The following C12orf43 variants were observed in gnomAD, a reference collection of about 807,000 sequenced individuals.
C12orf43 encodes the protein protein CUSTOS.
In C12orf43, 15 loss-of-function variants were observed where a neutral mutation model predicts 20.6. The ratio of observed to expected loss-of-function variants is 0.73; its 90% CI spans 0.49 to 1.12. The LOEUF (loss-of-function observed/expected upper bound fraction) is 1.12, where lower values mean the gene tolerates loss of function less well. Ranked by LOEUF, C12orf43 falls within the 50% of genes most tolerant of loss-of-function variation. The pLI, the probability that C12orf43 is intolerant of heterozygous loss-of-function variation, is 0.00. For synonymous variants in C12orf43, 144 were observed against 130.8 expected (o/e 1.10, Z -0.69); for missense variants, 334 against 344.4 (o/e 0.97, Z 0.24).
At chr12:121,010,150 A>C (rs977232762) in intron 3 of C12orf43, among the ~76,000 whole-genome samples, 3 of 152,174 alleles carry the variant, frequency 2.0e-5, no homozygotes, top group Non-Finnish European at 4.4e-5. Context: ...AAAAATACAA[A>C]AATTAGCCTG....
intron 1 of C12orf43, among the ~76,000 whole-genome samples, chr12:121,015,526 T>C (rs1235206542): frequency 6.6e-6 from 1 of 152,264 alleles, no homozygotes; most frequent in African/African-American, 2.4e-5. Flanking sequence ...TTAATTATCA[T>C]GATAGTAAAC....
intron 3 of C12orf43, among the ~76,000 whole-genome samples, chr12:121,008,473 T>C (rs1878194326): frequency 6.6e-6 from 1 of 152,176 alleles, no homozygotes; most frequent in Admixed American, 6.5e-5. Flanking sequence ...AACATGAAAA[T>C]GCTGCAGGGA....
In C12orf43 at chr12:121,003,840, C is replaced by A. The variant is rs981732167; in HGVS notation, c.*313G>T. 3 of 416,698 alleles carry A rather than the reference C, an allele frequency of 7.2e-6. No individual in the cohort carries two copies. The highest frequency in any genetic ancestry group is 1.3e-5 in the Non-Finnish European group (3 of 226,140). The allele number at this position is 416,698 out of a possible 1,614,324, so 25.8% of individuals were successfully genotyped here. On this transcript the variant is annotated 3_prime_UTR_variant, in exon 6 of 6. Transcript: ENST00000288757. The stretch of plus-strand genomic sequence containing the variant: ...GGAGATGGAGGTTTCACCACTTGGC[C>A]ACTAGTCTCAAATAACTGGAAGGTT...
In C12orf43 at chr12:121,004,945, C is replaced by T; in HGVS notation, c.452+58G>A. 7.7e-7 allele frequency: 1 copy of T among 1,300,284 alleles called. No individual in the cohort carries two copies. Among genetic ancestry groups the T allele is most frequent in the Non-Finnish European group, 1.0e-6 (1 of 973,716 alleles). 80.5% of individuals were successfully genotyped at this position (1,300,284 alleles called of 1,614,324 possible). A position where few individuals can be genotyped will look rare whatever the true frequency, so the allele number is the denominator to read the frequency against. On this transcript the variant is annotated intron_variant, in intron 5 of 5. Transcript: ENST00000288757. The surrounding 1 kb of genome is among the most constrained non-coding windows in gnomAD (Gnocchi z 5.6). ...GTCTGCTTGGCTATTCCAGGGAACC[C>T]ACCAAGACAGAAGAGGAGAAAAAAG... is the stretch of plus-strand genomic sequence containing the variant.
At chr12:121,011,176 T>C (rs1368337076) in intron 1 of C12orf43, 30 bp from the exon 2 acceptor site, 6 of 1,607,090 alleles carry the variant, frequency 3.7e-6, no homozygotes, top group Non-Finnish European at 8.5e-7. Context: ...AGGGCATTTA[T>C]AGAGGAAACA....
intron 3 of C12orf43, among the ~76,000 whole-genome samples, chr12:121,008,108 C>T (rs1220624693): frequency 2.0e-5 from 3 of 151,894 alleles, no homozygotes; most frequent in African/African-American, 7.3e-5. Context: ...TGACCTAACA[C>T]TAGGGACCAA....
chr12:121,002,408 G>A lies in C12orf43; in HGVS notation c.*1745C>T. ...GTACCGCGTCTACCCTGGGATTCAG[G>A]AAAAGGCCTGGGGTGACCCGGCACC... is the stretch of plus-strand genomic sequence containing the variant. On this transcript the variant is annotated 3_prime_UTR_variant, in exon 6 of 6. Transcript: ENST00000288757. 1.9e-6 allele frequency: 1 copy of A among 529,466 alleles called. No homozygotes were observed. Among genetic ancestry groups the A allele is most frequent in the Non-Finnish European group, 3.7e-6 (1 of 273,932 alleles). 32.8% of individuals were successfully genotyped at this position (529,466 alleles called of 1,614,324 possible). A position where few individuals can be genotyped will look rare whatever the true frequency, so the allele number is the denominator to read the frequency against.
rs1391529757 is a variant in C12orf43, at chr12:121,005,283, CA to C, written c.362-191del. ...AAAAAATTTAAAAAAGAAACAATAACAAAAAAACCCAACCAAGCAAACAAAC... is the reference window on the plus strand; with the variant it reads ...AAAAAATTTAAAAAAGAAACAATAACAAAAAACCCAACCAAGCAAACAAAC... On this transcript the variant is annotated intron_variant, in intron 4 of 5. Transcript: ENST00000288757. The surrounding 1 kb of genome is among the most constrained non-coding windows in gnomAD (Gnocchi z 5.6). 6.0e-5 allele frequency among the ~76,000 whole-genome samples: 9 copies of C among 151,142 alleles called. No individual in the cohort carries two copies. In the South Asian group the frequency reaches 1.7e-3, roughly 28 times the overall value.
Position 121,001,232 on chromosome 12 carries a change from G to A in C12orf43, c.*2921C>T, listed in dbSNP as rs78184916. On this transcript the variant is annotated 3_prime_UTR_variant, in exon 6 of 6. Transcript: ENST00000288757. ...CCCTGGGGCCTGTACTGCCTGCTTG[G>A]GGGGTGATGAGGGCAGCAGCCAGCC... 5.7e-5 allele frequency: 92 copies of A among 1,611,252 alleles called. No homozygotes were observed. The highest frequency in any genetic ancestry group is 3.3e-4 in the Admixed American group (20 of 59,806).
At chr12:121,012,752 T>G in intron 1 of C12orf43, 1 of 273,980 alleles carries the variant, frequency 3.6e-6, no homozygotes, top group Non-Finnish European at 7.1e-6. Flanking sequence ...CTTGAGAAGC[T>G]GAGGCAGGAG....
chr12:121,005,208 A>C lies in C12orf43; in HGVS notation c.362-115T>G, dbSNP rs1260984902. 7 of 571,166 alleles carry C rather than the reference A, an allele frequency of 1.2e-5. No individual in the cohort carries two copies. The highest frequency in any genetic ancestry group is 1.6e-5 in the Non-Finnish European group (6 of 377,016). 35.4% of individuals were successfully genotyped at this position (571,166 alleles called of 1,614,324 possible). A position where few individuals can be genotyped will look rare whatever the true frequency, so the allele number is the denominator to read the frequency against. ...AAATTTTAAAAAGGAAAACGAAAGAAAGAAAAGATAAAGAGAAACAAAAAA... is the reference window on the plus strand; with the variant it reads ...AAATTTTAAAAAGGAAAACGAAAGACAGAAAAGATAAAGAGAAACAAAAAA... On this transcript the variant is annotated intron_variant, in intron 4 of 5. Transcript: ENST00000288757. The surrounding 1 kb of genome is among the most constrained non-coding windows in gnomAD (Gnocchi z 5.6).
Position 121,016,363 on chromosome 12 carries a change from G to T in C12orf43, c.112C>A (p.Gln38Lys). The change falls in exon 1 of 6, where the codon CAA becomes AAA. Residue 38 changes from glutamine to lysine, a missense_variant. By Grantham distance (53) the Gln-to-Lys change is moderately conservative. Coordinates refer to ENST00000288757, the MANE Select transcript of C12orf43 (RefSeq NM_022895.3). ...GGCTTCCCTGCCACGTGCGGGCGTT[G>T]CTCCAAGCCCCAAGCCGGCATTGCC... ...EAAMPAWGLE[Q>K]RPHVAGKPRA... The T allele has an allele frequency of 1.9e-6, 3 of 1,613,734 alleles. No homozygotes were observed. Among genetic ancestry groups the T allele is most frequent in the Non-Finnish European group, 2.5e-6 (3 of 1,180,050 alleles).
chr12:121,006,334 A>T lies in C12orf43; in HGVS notation c.348T>A (p.Ala116=), dbSNP rs185704649. ...EPAKAKVQKV[A]LEDDGFRLFF... is the part of the protein sequence containing the mutation. ...ATAACCACTCACCATCATCCTCCAA[A>T]GCGACTTTCTGTACCTTAGCTTTTG... Residue 116 remains alanine, a synonymous_variant, in exon 4 of 6, where the codon GCT becomes GCA. Coordinates refer to ENST00000288757, the MANE Select transcript of C12orf43 (RefSeq NM_022895.3). 6.2e-7 allele frequency: 1 copy of T among 1,613,978 alleles called. No homozygotes were observed. Among genetic ancestry groups the T allele is most frequent in the African/African-American group, 1.3e-5 (1 of 75,046 alleles).
Position 121,004,734 on chromosome 12 carries a change from C to G in C12orf43, c.453-245G>C, listed in dbSNP as rs1877846484. ...ATCATCTCTAAAACGGGGATCTTAA[C>G]AGAGTCCAGGCCTCCCAGGGATGTC... is the stretch of plus-strand genomic sequence containing the variant. On this transcript the variant is annotated intron_variant, in intron 5 of 5. Coordinates refer to ENST00000288757, the MANE Select transcript of C12orf43 (RefSeq NM_022895.3). The surrounding 1 kb of genome is among the most constrained non-coding windows in gnomAD (Gnocchi z 5.6). 6.6e-6 allele frequency among the ~76,000 whole-genome samples: 1 copy of G among 152,160 alleles called. No homozygotes were observed. Among genetic ancestry groups the G allele is most frequent in the African/African-American group, 2.4e-5 (1 of 41,440 alleles).
chr12:121,001,070 T>C lies in C12orf43; in HGVS notation c.*3083A>G, dbSNP rs1352126690. The C allele has an allele frequency of 6.2e-6, 10 of 1,613,246 alleles. No homozygotes were observed. The highest frequency in any genetic ancestry group is 7.6e-6 in the Non-Finnish European group (9 of 1,179,836). ...AGCCTTGTTTGCCTCTGCAGTGTCC[T>C]CCAGCAGCCTGGTGCTGTACCAGAG... is the stretch of plus-strand genomic sequence containing the variant. On this transcript the variant is annotated 3_prime_UTR_variant, in exon 6 of 6. Coordinates refer to ENST00000288757, the MANE Select transcript of C12orf43 (RefSeq NM_022895.3).
At position 121,016,324 on chromosome 12, in the gene C12orf43, C is replaced by A; in HGVS notation, c.145+6G>T. On this transcript the variant is annotated splice_donor_region_variant and intron_variant, in intron 1 of 5. Coordinates refer to ENST00000288757, the MANE Select transcript of C12orf43 (RefSeq NM_022895.3). ...TCAGCCAGTCTCCCCAAACATAGTA[C>A]CCTACCGGCTCTTGGCTTCCCTGCC... 1 of 1,613,584 alleles carries A rather than the reference C, an allele frequency of 6.2e-7. No individual in the cohort carries two copies. Among genetic ancestry groups the A allele is most frequent in the Middle Eastern group, 1.7e-4 (1 of 6,060 alleles).
At chr12:121,014,355 G>A (rs538565675) in intron 1 of C12orf43, among the ~76,000 whole-genome samples, 27 of 151,812 alleles carry the variant, frequency 1.8e-4, no homozygotes, top group Non-Finnish European at 3.7e-4. Flanking sequence ...GAGACCAGGC[G>A]CGGTGGCTCA....
rs1335086732 is a variant in C12orf43, at chr12:121,002,443, T to G, written c.*1710A>C. 1.9e-6 allele frequency: 1 copy of G among 530,994 alleles called. No individual in the cohort carries two copies. The highest frequency in any genetic ancestry group is 2.2e-5 in the Admixed American group (1 of 44,822). The allele number at this position is 530,994 out of a possible 1,614,324, so 32.9% of individuals were successfully genotyped here. ...GGGGTGACCCGGCACCCCCTGCAGC[T>G]TGTAGCCAGCCGGGGCGAGTGGCAC... On this transcript the variant is annotated 3_prime_UTR_variant, in exon 6 of 6. Transcript: ENST00000288757.
At position 121,005,223 on chromosome 12, in the gene C12orf43, GAAAC is replaced by G. The variant is rs1003531622; in HGVS notation, c.362-134_362-131del. 3.4e-5 allele frequency: 16 copies of G among 467,288 alleles called. No individual in the cohort carries two copies. Among genetic ancestry groups the G allele is most frequent in the African/African-American group, 8.3e-5 (4 of 48,370 alleles). 28.9% of individuals were successfully genotyped at this position (467,288 alleles called of 1,614,324 possible). ...AAACGAAAGAAAGAAAAGATAAAGAGAAACAAAAAAAAAATTTTAAGAAGACACA... is the reference window on the plus strand; with the variant it reads ...AAACGAAAGAAAGAAAAGATAAAGAGAAAAAAAAAATTTTAAGAAGACACA... On this transcript the variant is annotated intron_variant, in intron 4 of 5. Coordinates refer to ENST00000288757, the MANE Select transcript of C12orf43 (RefSeq NM_022895.3). The surrounding 1 kb of genome is among the most constrained non-coding windows in gnomAD (Gnocchi z 5.6).
Sources: gnomAD v4.1 joint callset for allele counts (sites outside exome capture counted in the v4.1 genomes callset) on GRCh38, gnomAD v4.1.1 for gene constraint, Gnocchi (gnomAD v3.1) non-coding constraint, MANE v1.5 for transcripts, NCBI Gene and HGNC (gene_info 2026-07-23, HGNC 2026-07-21) for gene names.